The following CEP164 variants were observed in gnomAD, a reference collection of about 807,000 sequenced individuals.
CEP164 encodes centrosomal protein 164.
Under a neutral mutation model 182.7 loss-of-function variants are expected in CEP164, and 162 were observed. The observed-to-expected ratio is 0.89, with a 90% CI of 0.78 to 1.01. The LOEUF (loss-of-function observed/expected upper bound fraction) is 1.01, where lower values mean the gene tolerates loss of function less well. Ranked by LOEUF, CEP164 falls within the 50% of genes least tolerant of loss-of-function variation. The pLI, the probability that CEP164 is intolerant of heterozygous loss-of-function variation, is 0.00. For synonymous variants in CEP164, 661 were observed against 690.0 expected (o/e 0.96, Z 0.66); for missense variants, 1,735 against 1,790.4 (o/e 0.97, Z 0.56).
intron 5 of CEP164, chr11:117,355,136 C>G: frequency 2.6e-5 from 34 of 1,289,834 alleles, no homozygotes; most frequent in Non-Finnish European, 3.4e-5. Context: ...AAAGCTGCAG[C>G]CACTCTCCAA....
rs2047054560 is a variant in CEP164 at position 117,409,286 on chromosome 11, C to T, written c.3748+258C>T. The stretch of plus-strand genomic sequence containing the variant: ...TGACCACTGGCCTTGCTGGCCTCTT[C>T]TCTTCCAGGGCCTCCTTGAGGAGGC... On this transcript the variant is annotated intron_variant, in intron 29 of 32. Coordinates refer to ENST00000278935, the MANE Select transcript of CEP164 (RefSeq NM_014956.5). This position sits in a 1 kb window ranked among gnomAD's most constrained non-coding sequence, Gnocchi z 4.4. 1.7e-6 allele frequency: 1 copy of T among 585,488 alleles called. No homozygotes were observed. The highest frequency in any genetic ancestry group is 3.0e-6 in the Non-Finnish European group (1 of 332,656). 36.3% of individuals were successfully genotyped at this position (585,488 alleles called of 1,614,324 possible).
At chr11:117,355,350 C>T in intron 5 of CEP164, 1 of 1,289,844 alleles carries the variant, frequency 7.8e-7, no homozygotes, top group South Asian at 1.2e-5. Flanking sequence ...CTGGGCACTC[C>T]AGCCCCTCAG....
chr11:117,363,368 C>G, intron 7 of CEP164, 61 bp from the exon 8 acceptor site: 1 of 1,264,156 alleles, frequency 7.9e-7, no homozygotes, highest in South Asian at 1.2e-5. Context: ...CTCTGCACAC[C>G]CCTCACCCTG....
chr11:117,392,266 A>G lies in CEP164; in HGVS notation c.2324A>G (p.Glu775Gly). The G allele has an allele frequency of 6.2e-7, 1 of 1,611,890 alleles. No homozygotes were observed. Among genetic ancestry groups the G allele is most frequent in the Non-Finnish European group, 8.5e-7 (1 of 1,179,608 alleles). ...GAGAAGGAGCACAGTGCTGAGCTGG[A>G]GCGGCTCTGCTCCTCATTGGAGGCC... The part of the protein sequence containing the change: ...TLEKEHSAEL[E>G]RLCSSLEAKH... The change falls in exon 18 of 33, where the codon GAG becomes GGG. Residue 775 changes from glutamate to glycine, a missense_variant. Coordinates refer to ENST00000278935, the MANE Select transcript of CEP164 (RefSeq NM_014956.5).
intron 11 of CEP164, among the ~76,000 whole-genome samples, chr11:117,378,049 A>G (rs1485634062): frequency 6.7e-6 from 1 of 149,888 alleles, no homozygotes; most frequent in Non-Finnish European, 1.5e-5. Flanking sequence ...TTGTATTTTT[A>G]GTAGAGATGA....
chr11:117,346,817 C>G (rs74853011), intron 4 of CEP164, among the ~76,000 whole-genome samples: 9,030 of 152,124 alleles, frequency 0.059, 478 homozygotes, highest in East Asian at 0.18. Context: ...TGAGCCGAGA[C>G]TGCATCACTG....
rs1171624291 is a variant in CEP164, at chr11:117,392,303, G to A, written c.2361G>A (p.Glu787=). ...CCTCATTGGAGGCCAAGCACCGGGA[G>A]GTAAGATGCAGCATCCTGGGCCCCC... The part of the protein sequence containing the change: ...LCSSLEAKHR[E]VVSSLQKKIQ... The change falls in exon 18 of 33, where the codon GAG becomes GAA. Residue 787 remains glutamate (E), a splice_region_variant and synonymous_variant. Transcript: ENST00000278935. The A allele has an allele frequency of 6.2e-7, 1 of 1,609,782 alleles. No individual in the cohort carries two copies. The highest frequency in any genetic ancestry group is 8.5e-7 in the Non-Finnish European group (1 of 1,179,516).
Position 117,409,937 on chromosome 11 carries a change from G to A in CEP164, c.4068G>A (p.Leu1356=). Residue 1356 remains leucine (L), a synonymous_variant, in exon 30 of 33, where the codon CTG becomes CTA. Coordinates refer to ENST00000278935, the MANE Select transcript of CEP164 (RefSeq NM_014956.5). The surrounding 1 kb of genome is among the most constrained non-coding windows in gnomAD (Gnocchi z 4.4). ...TGGCTCAAACGGTGGACGACTTCCT[G>A]TTGGAGAAGTGGCGCAAGTATTTTC... ...SSVAQTVDDF[L]LEKWRKYFPS... is the part of the protein sequence containing the mutation. The A allele has an allele frequency of 6.2e-7, 1 of 1,614,180 alleles. No homozygotes were observed. Among genetic ancestry groups the A allele is most frequent in the Non-Finnish European group, 8.5e-7 (1 of 1,180,036 alleles).
intron 8 of CEP164, 97 bp downstream of exon 8, chr11:117,363,603 A>G (rs1376322217): frequency 4.7e-6 from 4 of 851,030 alleles, no homozygotes; most frequent in Non-Finnish European, 5.6e-6. Flanking sequence ...ATATTTGGAA[A>G]AAGAACCATT....
chr11:117,370,208 C>T (rs906233088), intron 8 of CEP164, among the ~76,000 whole-genome samples: 15 of 151,696 alleles, frequency 9.9e-5, no homozygotes, highest in African/African-American at 3.4e-4. Flanking sequence ...CTCAGAGGGA[C>T]CCAAGTCGGC....
chr11:117,408,196 A>G (rs2046931034), intron 28 of CEP164, among the ~76,000 whole-genome samples, 164 bp downstream of exon 28: 1 of 152,152 alleles, frequency 6.6e-6, no homozygotes, highest in African/African-American at 2.4e-5. Context: ...AGTGGCTTCA[A>G]TTCTGAGTTT....
chr11:117,353,992 TTTCTTCTTCTCC>T (rs1005184575), intron 5 of CEP164, among the ~76,000 whole-genome samples: 6 of 116,034 alleles, frequency 5.2e-5, no homozygotes, highest in South Asian at 2.9e-4. Flanking sequence ...TTGGTGGACT[TTTCTTCTTCTCC>T]TTCTTCTTCT....
chr11:117,408,902 G>A lies in CEP164; in HGVS notation c.3622G>A (p.Gly1208Ser). The change falls in exon 29 of 33, where the codon GGC (glycine) becomes AGC (serine). Residue 1208 changes from glycine (G) to serine (S), a missense_variant. Transcript: ENST00000278935. Reference sequence around the variant, plus strand: ...CTTTACCCCACAGGCCTCAGATGAGGGCACTCTGGGAGGATCCCCCACCAA... The same window carrying A: ...CTTTACCCCACAGGCCTCAGATGAGAGCACTCTGGGAGGATCCCCCACCAA... ...SSLWEEASDEGTLGGSPTKKA... is the reference protein window; with the variant it reads ...SSLWEEASDESTLGGSPTKKA... The A allele has an allele frequency of 6.2e-7, 1 of 1,614,092 alleles. No individual in the cohort carries two copies. The highest frequency in any genetic ancestry group is 1.3e-5 in the African/African-American group (1 of 75,008).
At chr11:117,379,426 G>C (rs1206533658) in intron 11 of CEP164, among the ~76,000 whole-genome samples, 1 of 152,212 alleles carries the variant, frequency 6.6e-6, no homozygotes, top group African/African-American at 2.4e-5. Flanking sequence ...CACCTCTCCT[G>C]TTGACCCTGT....
rs1398293670 is a variant in CEP164 at position 117,411,737 on chromosome 11, C to G, written c.4164-58C>G. The G allele has an allele frequency of 1.9e-6, 3 of 1,606,450 alleles. No homozygotes were observed. In the East Asian group the frequency reaches 6.7e-5, roughly 36 times the overall value. On this transcript the variant is annotated intron_variant, in intron 31 of 32. Transcript: ENST00000278935. This position sits in a 1 kb window ranked among gnomAD's most constrained non-coding sequence, Gnocchi z 4.4. ...GACAGATGTGATGGCCTCTGTGCAT[C>G]CTCTGTCACTTCCGCGCCTCCTCTC...
intron 30 of CEP164, 107 bp from the exon 31 acceptor site, chr11:117,410,721 C>A: frequency 2.4e-6 from 2 of 823,784 alleles, no homozygotes; most frequent in Non-Finnish European, 3.9e-6. Flanking sequence ...TGGCCTCCAG[C>A]CACTGAAGCT....
upstream of CEP164, chr11:117,323,776 T>C: frequency 7.5e-6 from 2 of 266,634 alleles, no homozygotes; most frequent in South Asian, 3.3e-5. Flanking sequence ...TCTGTTTTAT[T>C]GTAGCCATTT....
Position 117,411,710 on chromosome 11 carries a change from G to T in CEP164, c.4164-85G>T. The T allele has an allele frequency of 6.4e-7, 1 of 1,560,298 alleles. No individual in the cohort carries two copies. The highest frequency in any genetic ancestry group is 8.7e-7 in the Non-Finnish European group (1 of 1,146,470). On this transcript the variant is annotated intron_variant, in intron 31 of 32. Transcript: ENST00000278935. This position sits in a 1 kb window ranked among gnomAD's most constrained non-coding sequence, Gnocchi z 4.4. ...GGTAGCTGAGAGAAAGAGGGAGGAG[G>T]TGACAGATGTGATGGCCTCTGTGCA... is the stretch of plus-strand genomic sequence containing the variant.
intron 1 of CEP164, among the ~76,000 whole-genome samples, chr11:117,331,764 T>C (rs1166918573): frequency 1.3e-5 from 2 of 150,016 alleles, no homozygotes; most frequent in Non-Finnish European, 3.0e-5. Flanking sequence ...TTTTTTTTTT[T>C]CAGATAGGGT....
Sources: gnomAD v4.1 joint callset for allele counts (sites outside exome capture counted in the v4.1 genomes callset) on GRCh38, gnomAD v4.1.1 for gene constraint, Gnocchi (gnomAD v3.1) non-coding constraint, MANE v1.5 for transcripts, NCBI Gene and HGNC (gene_info 2026-07-23, HGNC 2026-07-21) for gene names.